Variants in GABRG3 observed in about 807,000 individuals in gnomAD.
GABRG3 encodes gamma-aminobutyric acid type A receptor subunit gamma3.
A neutral mutation model predicts 48.8 loss-of-function variants in GABRG3; 25 were observed. The observed-to-expected ratio is 0.51, with a 90% CI of 0.37 to 0.72. GABRG3 has a LOEUF of 0.72. Ranked by LOEUF, GABRG3 falls within the 30% of genes least tolerant of loss-of-function variation. The pLI is 0.00. For missense variants in GABRG3, 394 were observed against 577.9 expected (o/e 0.68, Z 3.26); for synonymous variants, 227 against 217.6 (o/e 1.04, Z -0.38).
At chr15:27,099,722 A>G (rs1897324213) in intron 3 of GABRG3, among the ~76,000 whole-genome samples, 1 of 148,364 alleles carries the variant, frequency 6.7e-6, no homozygotes. Flanking sequence ...TAAAAAAAAA[A>G]TCCCATAAAA....
chr15:26,986,726 G>C (rs765160023), intron 2 of GABRG3, among the ~76,000 whole-genome samples: 1 of 152,160 alleles, frequency 6.6e-6, no homozygotes, highest in African/African-American at 2.4e-5. Flanking sequence ...GACATGTCCT[G>C]AGGTATAATC....
chr15:27,062,456 A>AAAAAAAAAAAAAAAAAAAAAAACAAAG (rs1896665714), intron 3 of GABRG3, among the ~76,000 whole-genome samples: 1 of 144,042 alleles, frequency 6.9e-6, no homozygotes. Context: ...AAAAAAAAAA[A>AAAAAAAAAAAAAAAAAAAAAAACAAAG]AATTAGCCTT....
intron 6 of GABRG3, among the ~76,000 whole-genome samples, chr15:27,508,540 A>ATT (rs1240397604): frequency 1.2e-4 from 19 of 152,212 alleles, no homozygotes; most frequent in Admixed American, 1.2e-3. Flanking sequence ...TCAAAGCATA[A>ATT]ATACACTCAT....
intron 3 of GABRG3, among the ~76,000 whole-genome samples, chr15:27,218,101 C>T (rs527409473): frequency 6.6e-6 from 1 of 152,280 alleles, no homozygotes; most frequent in South Asian, 2.1e-4. Flanking sequence ...CCTCCACCCT[C>T]CAGCCTCAAG....
At chr15:27,010,217 T>G (rs185979957) in intron 2 of GABRG3, among the ~76,000 whole-genome samples, 110 of 152,242 alleles carry the variant, frequency 7.2e-4, no homozygotes, top group African/African-American at 2.5e-3. Context: ...CTAGGGTAAT[T>G]TGTTGGATAT....
In GABRG3 at chr15:27,541,189, G is replaced by C. The variant is rs1374659709; in HGVS notation, c.*8308G>C. Reference sequence around the variant, plus strand: ...CCTTGAGCATCACTGTTGTGACCGGGGTGCACACCTGGGCGACTCCTTGAT... The same window carrying C: ...CCTTGAGCATCACTGTTGTGACCGGCGTGCACACCTGGGCGACTCCTTGAT... On this transcript the variant is annotated 3_prime_UTR_variant, in exon 10 of 10. Coordinates refer to ENST00000615808, the MANE Select transcript of GABRG3 (RefSeq NM_033223.5). 1 of 152,154 alleles carries C rather than the reference G, an allele frequency of 6.6e-6. No homozygotes were observed. Among genetic ancestry groups the C allele is most frequent in the Non-Finnish European group, 1.5e-5 (1 of 68,038 alleles). The allele number at this position is 152,154 out of a possible 1,614,324, so 9.4% of individuals were successfully genotyped here. A position where few individuals can be genotyped will look rare whatever the true frequency, so the allele number is the denominator to read the frequency against.
At chr15:27,314,448 T>G (rs1281845479) in intron 3 of GABRG3, among the ~76,000 whole-genome samples, 1 of 152,146 alleles carries the variant, frequency 6.6e-6, no homozygotes, top group Non-Finnish European at 1.5e-5. Flanking sequence ...ATTGGAGCCC[T>G]TGTACACCCT....
chr15:27,242,257 C>A (rs964371829), intron 3 of GABRG3, among the ~76,000 whole-genome samples: 4 of 152,186 alleles, frequency 2.6e-5, no homozygotes, highest in Non-Finnish European at 4.4e-5. Flanking sequence ...AGATTCTGTT[C>A]TCTAAGCTGG....
intron 3 of GABRG3, among the ~76,000 whole-genome samples, chr15:27,035,684 G>A (rs566586238): frequency 2.9e-4 from 44 of 152,322 alleles, no homozygotes; most frequent in African/African-American, 9.9e-4. Flanking sequence ...AGGGAGCCAC[G>A]TGGAGCTTGC....
At chr15:27,252,130 G>A (rs1269518700) in intron 3 of GABRG3, among the ~76,000 whole-genome samples, 1 of 152,154 alleles carries the variant, frequency 6.6e-6, no homozygotes, top group Non-Finnish European at 1.5e-5. Context: ...GTGAAATCGG[G>A]GGACACGAGG....
intron 3 of GABRG3, among the ~76,000 whole-genome samples, chr15:27,323,279 T>G (rs1319663556): frequency 6.6e-6 from 1 of 152,208 alleles, no homozygotes; most frequent in Non-Finnish European, 1.5e-5. Context: ...TCTGTTATAC[T>G]TAGGTTAAAC....
At chr15:27,420,558 A>G (rs1888082060) in intron 5 of GABRG3, 1 of 152,218 alleles carries the variant, frequency 6.6e-6, no homozygotes, top group Non-Finnish European at 1.5e-5. Flanking sequence ...CAAAAAATCT[A>G]GTAACCGTGT....
At chr15:27,473,233 A>T (rs908788608) in intron 5 of GABRG3, among the ~76,000 whole-genome samples, 35 of 152,188 alleles carry the variant, frequency 2.3e-4, no homozygotes, top group African/African-American at 7.2e-4. Flanking sequence ...CTGCATACCC[A>T]TTGGCCTGGT....
Position 26,971,456 on chromosome 15 carries a change from C to CCGGCGGAGACCAGGTCCG in GABRG3, c.-77_-60dup. 8.1e-7 allele frequency: 1 copy of CCGGCGGAGACCAGGTCCG among 1,229,202 alleles called. No individual in the cohort carries two copies. The highest frequency in any genetic ancestry group is 1.1e-6 in the Non-Finnish European group (1 of 917,920). 76.1% of individuals were successfully genotyped at this position (1,229,202 alleles called of 1,614,324 possible). ...TCGGAGGAAGCCAGGGCAAAGAGGGCCGGCGGAGACCAGGTCCGCGCCGGA... is the reference window on the plus strand; with the variant it reads ...TCGGAGGAAGCCAGGGCAAAGAGGGCCGGCGGAGACCAGGTCCGCGGCGGAGACCAGGTCCGCGCCGGA... On this transcript the variant is annotated 5_prime_UTR_variant, in exon 1 of 10. Transcript: ENST00000615808.
At chr15:27,220,513 G>C (rs951583768) in intron 3 of GABRG3, among the ~76,000 whole-genome samples, 3 of 152,162 alleles carry the variant, frequency 2.0e-5, no homozygotes, top group Admixed American at 6.5e-5. Flanking sequence ...AAGAAATTTA[G>C]AACAAAGAAC....
chr15:27,241,055 C>T (rs1365062866), intron 3 of GABRG3, among the ~76,000 whole-genome samples: 3 of 152,178 alleles, frequency 2.0e-5, no homozygotes, highest in Non-Finnish European at 4.4e-5. Context: ...TAGATAATTC[C>T]AGATTATCTC....
chr15:27,264,421 T>A (rs889378356), intron 3 of GABRG3, among the ~76,000 whole-genome samples: 1 of 152,102 alleles, frequency 6.6e-6, no homozygotes, highest in Admixed American at 6.6e-5. Flanking sequence ...ATGAACTGCC[T>A]TATTTACATT....
chr15:27,005,232 C>A (rs1327908593), intron 2 of GABRG3, among the ~76,000 whole-genome samples: 1 of 151,870 alleles, frequency 6.6e-6, no homozygotes, highest in African/African-American at 2.4e-5. Context: ...GATGGAGTCT[C>A]TCTCTGTCGC....
At chr15:27,417,622 C>T (rs1431173043) in intron 5 of GABRG3, among the ~76,000 whole-genome samples, 1 of 152,206 alleles carries the variant, frequency 6.6e-6, no homozygotes, top group Non-Finnish European at 1.5e-5. Context: ...AACCTATTTC[C>T]CCACAAGCTC....
Sources: allele counts gnomAD v4.1 joint callset (sites outside exome capture counted in the v4.1 genomes callset), GRCh38; gene constraint gnomAD v4.1.1; transcripts MANE v1.5; gene names NCBI Gene and HGNC (gene_info 2026-07-23, HGNC 2026-07-21).